STXBP5L: variants seen among roughly 807,000 people sequenced by gnomAD.
STXBP5L encodes syntaxin-binding protein 5-like.
A neutral mutation model predicts 144.5 loss-of-function variants in STXBP5L; 65 were observed. The observed-to-expected ratio is 0.45, with a 90% CI of 0.37 to 0.55. The LOEUF is 0.55. Among genes scored for constraint, STXBP5L ranks in the 20% least tolerant of loss-of-function variants. The probability of loss-of-function intolerance (pLI) is 0.00; values close to 1 mark genes in which losing one functional copy is unlikely to be tolerated. For synonymous variants in STXBP5L, 505 were observed against 469.6 expected, an observed-to-expected ratio of 1.08 and a Z score of -0.97; for missense variants, 1,298 against 1,405.5, an observed-to-expected ratio of 0.92 and a Z score of 1.22.
In STXBP5L at chr3:121,101,219, G is replaced by A. The variant is rs368439350; in HGVS notation, c.471-13706G>A. ...ATTATTCCAAAATTCAGGGAAGAGG[G>A]ACCTCCTTTATTACTCATTTTATGA... is the stretch of plus-strand genomic sequence containing the variant. On this transcript the variant is annotated intron_variant, in intron 5 of 26. Coordinates refer to ENST00000471454, the MANE Select transcript of STXBP5L (RefSeq NM_001308330.2). 5.3e-5 allele frequency among the ~76,000 whole-genome samples: 8 copies of A among 152,056 alleles called. No individual in the cohort carries two copies. The East Asian group carries it at 1.2e-3, about 22-fold the overall frequency.
chr3:121,322,112 C>T (rs1230157244), intron 20 of STXBP5L, among the ~76,000 whole-genome samples: 2 of 152,146 alleles, frequency 1.3e-5, no homozygotes, highest in Non-Finnish European at 2.9e-5. Flanking sequence ...CATGCAGTAT[C>T]TGGTTTTCAG....
chr3:121,340,656 T>G (rs1263448002), intron 20 of STXBP5L, among the ~76,000 whole-genome samples: 1 of 152,136 alleles, frequency 6.6e-6, no homozygotes, highest in Non-Finnish European at 1.5e-5. Flanking sequence ...GCAAAGGACA[T>G]GAACTCATCC....
chr3:121,352,475 C>T (rs889232923), intron 20 of STXBP5L, among the ~76,000 whole-genome samples: 11 of 152,030 alleles, frequency 7.2e-5, no homozygotes, highest in Non-Finnish European at 1.6e-4. Flanking sequence ...CATGATTTGG[C>T]TCTCTGTTTG....
chr3:121,400,958 A>T (rs1033703590), intron 22 of STXBP5L, among the ~76,000 whole-genome samples: 4 of 152,182 alleles, frequency 2.6e-5, no homozygotes, highest in African/African-American at 9.7e-5. Flanking sequence ...CACTAAAGAG[A>T]TAGACCACAG....
chr3:121,362,475 T>C (rs1368104105), intron 20 of STXBP5L, among the ~76,000 whole-genome samples: 1 of 152,172 alleles, frequency 6.6e-6, no homozygotes, highest in African/African-American at 2.4e-5. Context: ...TCTTCCCTCC[T>C]TTTTTAAAAG....
At chr3:121,010,778 A>G (rs1944715742) in intron 3 of STXBP5L, among the ~76,000 whole-genome samples, 1 of 151,884 alleles carries the variant, frequency 6.6e-6, no homozygotes, top group South Asian at 2.1e-4. Flanking sequence ...AAATCATAAG[A>G]AAGAGAAAAT....
At chr3:121,169,055 A>C (rs1035387325) in intron 9 of STXBP5L, among the ~76,000 whole-genome samples, 2 of 152,216 alleles carry the variant, frequency 1.3e-5, no homozygotes, top group Non-Finnish European at 2.9e-5. Flanking sequence ...AAAGAAAAGA[A>C]TTTTCAACCC....
intron 5 of STXBP5L, among the ~76,000 whole-genome samples, chr3:121,107,358 T>G (rs2043761635): frequency 6.6e-6 from 1 of 151,998 alleles, no homozygotes; most frequent in South Asian, 2.1e-4. Context: ...GGTTTTACAT[T>G]TAAGTCTTTA....
chr3:121,018,177 G>A (rs1248872142), intron 3 of STXBP5L, among the ~76,000 whole-genome samples: 1 of 152,168 alleles, frequency 6.6e-6, no homozygotes, highest in Admixed American at 6.5e-5. Context: ...TTGATCTATA[G>A]ATTCAATTTA....
intron 3 of STXBP5L, among the ~76,000 whole-genome samples, chr3:120,962,490 C>T (rs1938967591): frequency 6.6e-6 from 1 of 152,218 alleles, no homozygotes; most frequent in Non-Finnish European, 1.5e-5. Context: ...CAGCTTTCTA[C>T]ATATGGCTAG....
intron 3 of STXBP5L, among the ~76,000 whole-genome samples, chr3:120,965,815 G>T (rs554455285): frequency 1.3e-5 from 2 of 152,136 alleles, no homozygotes; most frequent in African/African-American, 4.8e-5. Context: ...GAAATTGAGT[G>T]TTGGCTTGTC....
intron 19 of STXBP5L, among the ~76,000 whole-genome samples, chr3:121,286,071 C>T (rs561103112): frequency 6.6e-6 from 1 of 152,164 alleles, no homozygotes; most frequent in East Asian, 1.9e-4. Context: ...CCATTTGAAT[C>T]AAGGGAAGTT....
At position 121,049,914 on chromosome 3, in the gene STXBP5L, G is replaced by A. The variant is rs552597222; in HGVS notation, c.470+4379G>A. 8.5e-5 allele frequency among the ~76,000 whole-genome samples: 13 copies of A among 152,258 alleles called. No individual in the cohort carries two copies. The South Asian group carries it at 2.3e-3, about 27-fold the overall frequency. Reference sequence around the variant, plus strand: ...GCATGTTTGTCTGGAAGCCCTGGTTGCAGGGATCATGAGAAATCTCCTGAT... The same window carrying A: ...GCATGTTTGTCTGGAAGCCCTGGTTACAGGGATCATGAGAAATCTCCTGAT... On this transcript the variant is annotated intron_variant, in intron 5 of 26. Coordinates refer to ENST00000471454, the MANE Select transcript of STXBP5L (RefSeq NM_001308330.2).
intron 5 of STXBP5L, among the ~76,000 whole-genome samples, chr3:121,086,880 C>T (rs550434634): frequency 1.2e-4 from 19 of 152,078 alleles, no homozygotes; most frequent in African/African-American, 4.3e-4. Flanking sequence ...GCGATGTTTG[C>T]ACTATGATAA....
intron 7 of STXBP5L, 106 bp downstream of exon 7, chr3:121,121,810 T>C: frequency 3.2e-6 from 2 of 628,162 alleles, no homozygotes; most frequent in South Asian, 5.9e-5. Flanking sequence ...TTGATAGCAT[T>C]TTATATTATG....
At chr3:121,026,153 A>G (rs1945927521) in intron 3 of STXBP5L, among the ~76,000 whole-genome samples, 1 of 151,510 alleles carries the variant, frequency 6.6e-6, no homozygotes, top group African/African-American at 2.4e-5. Context: ...ACCTTGATTT[A>G]AAGGTGTCTA....
At chr3:121,101,323 C>A (rs9873688) in intron 5 of STXBP5L, among the ~76,000 whole-genome samples, 1 of 151,996 alleles carries the variant, frequency 6.6e-6, no homozygotes, top group African/African-American at 2.4e-5. Context: ...CCCCAATGAA[C>A]GTAGATGCAA....
chr3:121,396,936 C>T (rs1037332732), intron 22 of STXBP5L, among the ~76,000 whole-genome samples: 6 of 152,230 alleles, frequency 3.9e-5, no homozygotes, highest in African/African-American at 1.4e-4. Flanking sequence ...TTTCAATTAA[C>T]TGTGTGGAAT....
intron 6 of STXBP5L, among the ~76,000 whole-genome samples, chr3:121,116,281 C>T (rs2044226162): frequency 6.6e-6 from 1 of 152,020 alleles, no homozygotes; most frequent in African/African-American, 2.4e-5. Flanking sequence ...ATTAAAACAC[C>T]CTATTTTTGT....
Sources: gnomAD v4.1 joint callset for allele counts (sites outside exome capture counted in the v4.1 genomes callset) on GRCh38, gnomAD v4.1.1 for gene constraint, MANE v1.5 for transcripts, NCBI Gene and HGNC (gene_info 2026-07-23, HGNC 2026-07-21) for gene names.